The following ASTN2 variants were observed in gnomAD, a reference collection of about 807,000 sequenced individuals.
ASTN2 encodes the protein astrotactin-2.
In ASTN2, 54 loss-of-function variants were observed where a neutral mutation model predicts 139.8. The ratio of observed to expected loss-of-function variants is 0.39; its 90% CI spans 0.31 to 0.48. The LOEUF (loss-of-function observed/expected upper bound fraction) is 0.48. Among genes scored for constraint, ASTN2 ranks in the 20% least tolerant of loss-of-function variants. ASTN2 has a pLI of 0.95. For missense variants in ASTN2, 1,565 were observed against 1,725.1 expected (o/e 0.91, Z 1.64); for synonymous variants, 756 against 719.5 (o/e 1.05, Z -0.81).
At chr9:116,790,846 TG>T (rs889826191) in intron 13 of ASTN2, among the ~76,000 whole-genome samples, 1 of 150,160 alleles carries the variant, frequency 6.7e-6, no homozygotes, top group African/African-American at 2.5e-5. Context: ...GGCTAATTCT[TG>T]TATTTTTACT....
intron 5 of ASTN2, among the ~76,000 whole-genome samples, chr9:117,046,844 A>C (rs543804938): frequency 6.6e-6 from 1 of 152,324 alleles, no homozygotes; most frequent in African/African-American, 2.4e-5. Context: ...TGAATGAATG[A>C]GTGAATGCTT....
chr9:116,789,378 C>T (rs1280175637), intron 13 of ASTN2, among the ~76,000 whole-genome samples: 1 of 152,198 alleles, frequency 6.6e-6, no homozygotes, highest in Non-Finnish European at 1.5e-5. Context: ...CTTGTGCCTG[C>T]TAATTAACTG....
At chr9:116,733,578 C>T in intron 13 of ASTN2, 55 bp from the exon 14 acceptor site, 1 of 1,608,446 alleles carries the variant, frequency 6.2e-7, no homozygotes, top group South Asian at 1.1e-5. Flanking sequence ...CTGCTGAGGA[C>T]TACAGGGCAA....
At chr9:116,752,747 C>A (rs1373309767) in intron 13 of ASTN2, among the ~76,000 whole-genome samples, 1 of 152,116 alleles carries the variant, frequency 6.6e-6, no homozygotes, top group African/African-American at 2.4e-5. Flanking sequence ...ATACAGATGG[C>A]AAATGAGCAT....
At chr9:116,580,859 GAAAT>G (rs1379489378) in intron 19 of ASTN2, among the ~76,000 whole-genome samples, 1 of 152,062 alleles carries the variant, frequency 6.6e-6, no homozygotes, top group Non-Finnish European at 1.5e-5. Context: ...GAAAAAGAGA[GAAAT>G]AATAGAAAAC....
At chr9:116,877,643 C>T (rs1833338088) in intron 10 of ASTN2, among the ~76,000 whole-genome samples, 1 of 151,918 alleles carries the variant, frequency 6.6e-6, no homozygotes, top group Non-Finnish European at 1.5e-5. Flanking sequence ...AGTATGAGAC[C>T]CTGAAACCAA....
intron 5 of ASTN2, among the ~76,000 whole-genome samples, chr9:117,071,297 G>A (rs1008289244): frequency 6.6e-6 from 1 of 151,516 alleles, no homozygotes; most frequent in South Asian, 2.1e-4. Context: ...GCCCCTGCTG[G>A]GGGGTGCCTC....
At chr9:116,928,096 C>T (rs1241242495) in intron 10 of ASTN2, among the ~76,000 whole-genome samples, 1 of 152,186 alleles carries the variant, frequency 6.6e-6, no homozygotes, top group East Asian at 1.9e-4. Flanking sequence ...CTCCCAACTG[C>T]CTCCCTCTTC....
chr9:116,496,064 A>G (rs1849660178), intron 19 of ASTN2, among the ~76,000 whole-genome samples: 1 of 152,000 alleles, frequency 6.6e-6, no homozygotes, highest in Non-Finnish European at 1.5e-5. Flanking sequence ...CTCAAATGTC[A>G]CTTGCTCAGA....
At chr9:116,563,612 C>A (rs1207285168) in intron 19 of ASTN2, among the ~76,000 whole-genome samples, 4 of 152,124 alleles carry the variant, frequency 2.6e-5, no homozygotes, top group African/African-American at 7.2e-5. Context: ...TTGCCCTTTT[C>A]TGACTTACTT....
At chr9:117,180,761 C>T in intron 3 of ASTN2, 1 of 1,574,664 alleles carries the variant, frequency 6.4e-7, no homozygotes, top group Non-Finnish European at 8.6e-7. Flanking sequence ...TACTTGACCC[C>T]ACAGCCATCA....
chr9:116,584,417 G>A (rs1479413259), intron 19 of ASTN2: 1 of 152,140 alleles, frequency 6.6e-6, no homozygotes, highest in Non-Finnish European at 1.5e-5. Context: ...AAAATTCCAA[G>A]AGAAAAGTGC....
At chr9:117,174,117 A>G (rs560323378) in intron 3 of ASTN2, among the ~76,000 whole-genome samples, 273 of 142,832 alleles carry the variant, frequency 1.9e-3, no homozygotes, top group African/African-American at 6.7e-3. Context: ...ATAGCTAGCT[A>G]GCTAACTAGA....
At chr9:116,543,851 C>G (rs41308928) in intron 19 of ASTN2, 2 of 152,050 alleles carry the variant, frequency 1.3e-5, no homozygotes, top group Admixed American at 6.5e-5. Context: ...TGTGAGGTTC[C>G]TGTTGGTATC....
At chr9:117,090,376 TC>T (rs1404517264) in intron 5 of ASTN2, among the ~76,000 whole-genome samples, 3 of 152,164 alleles carry the variant, frequency 2.0e-5, no homozygotes, top group African/African-American at 7.2e-5. Flanking sequence ...CCTTCCACTC[TC>T]CATATTGATG....
At chr9:116,557,296 G>C (rs1047238212) in intron 19 of ASTN2, among the ~76,000 whole-genome samples, 2 of 147,384 alleles carry the variant, frequency 1.4e-5, no homozygotes, top group Admixed American at 6.8e-5. Context: ...ACAGAATTTT[G>C]AGAGTACATC....
intron 16 of ASTN2, among the ~76,000 whole-genome samples, chr9:116,680,452 G>T (rs1455555453): frequency 6.6e-6 from 1 of 152,148 alleles, no homozygotes; most frequent in Non-Finnish European, 1.5e-5. Flanking sequence ...GGTACAAGGA[G>T]GAACTGGTAT....
Position 117,185,049 on chromosome 9 carries a change from C to T in ASTN2, c.1015+29309G>A, listed in dbSNP as rs143131785. 3.0e-4 allele frequency among the ~76,000 whole-genome samples: 46 copies of T among 152,246 alleles called. No individual in the cohort carries two copies. The East Asian group carries it at 7.9e-3, about 26-fold the overall frequency. On this transcript the variant is annotated intron_variant, in intron 3 of 22. Coordinates refer to ENST00000313400, the MANE Select transcript of ASTN2 (RefSeq NM_001365068.1). ...ACGATTGAGGCACTGTATGGGCACA[C>T]GATTCATACCCACATCTGCCCATTC...
chr9:117,224,890 C>T (rs539641118), intron 2 of ASTN2, among the ~76,000 whole-genome samples: 3 of 152,270 alleles, frequency 2.0e-5, no homozygotes, highest in African/African-American at 7.2e-5. Context: ...GTGACTCATG[C>T]TTTTGTCTGC....
Sources: allele counts gnomAD v4.1 joint callset (sites outside exome capture counted in the v4.1 genomes callset), GRCh38; gene constraint gnomAD v4.1.1; transcripts MANE v1.5; gene names NCBI Gene and HGNC (gene_info 2026-07-23, HGNC 2026-07-21).